Variants in MEF2C observed in about 807,000 individuals in gnomAD.
The protein encoded by MEF2C is myocyte-specific enhancer factor 2C.
In MEF2C, 6 loss-of-function variants were observed where a neutral mutation model predicts 50.5. The ratio of observed to expected loss-of-function variants is 0.12; its 90% CI spans 0.07 to 0.23. The LOEUF (loss-of-function observed/expected upper bound fraction) is 0.23, where lower values mean the gene tolerates loss of function less well. Among genes scored for constraint, MEF2C ranks in the 10% least tolerant of loss-of-function variants. The pLI is 1.00. For missense variants in MEF2C, 276 were observed against 605.0 expected (o/e 0.46, Z 5.70); for synonymous variants, 183 against 228.0 (o/e 0.80, Z 1.78).
At chr5:88,775,690 T>G in intron 3 of MEF2C, 2 of 435,974 alleles carry the variant, frequency 4.6e-6, no homozygotes, top group Non-Finnish European at 6.1e-6. Context: ...GACCAATTAT[T>G]ACTTCACAAA....
chr5:88,881,483 TAA>T (rs1243551059), intron 1 of MEF2C, among the ~76,000 whole-genome samples: 1 of 152,242 alleles, frequency 6.6e-6, no homozygotes, highest in African/African-American at 2.4e-5. Context: ...TGAATGTTTT[TAA>T]AGACTAGCCA....
intron 1 of MEF2C, chr5:88,843,285 T>C (rs1040816357): frequency 6.2e-5 from 59 of 950,248 alleles, no homozygotes; most frequent in Non-Finnish European, 7.1e-5. Flanking sequence ...CCATTATCCA[T>C]GTGAGATGGA....
In MEF2C at chr5:88,720,300, C is replaced by A. The variant is rs1427702801; in HGVS notation, c.*2304G>T. 1 of 151,028 alleles carries A rather than the reference C, an allele frequency of 6.6e-6. No homozygotes were observed. The highest frequency in any genetic ancestry group is 1.5e-5 in the Non-Finnish European group (1 of 67,750). 9.4% of individuals were successfully genotyped at this position (151,028 alleles called of 1,614,324 possible). On this transcript the variant is annotated 3_prime_UTR_variant, in exon 11 of 11. Coordinates refer to ENST00000504921, the MANE Select transcript of MEF2C (RefSeq NM_002397.5). ...GTTATTCTTTCATGTTCCATGGATA[C>A]CTTGAGTAGTGGGATATATATGAAA... is the stretch of plus-strand genomic sequence containing the variant.
At chr5:88,765,711 G>A (rs555198812) in intron 3 of MEF2C, among the ~76,000 whole-genome samples, 1 of 152,228 alleles carries the variant, frequency 6.6e-6, no homozygotes, top group East Asian at 1.9e-4. Context: ...CTTTTACAGG[G>A]GCTGGAAGTC....
intron 1 of MEF2C, among the ~76,000 whole-genome samples, chr5:88,898,783 G>C (rs190441903): frequency 2.6e-5 from 4 of 152,056 alleles, no homozygotes; most frequent in African/African-American, 9.7e-5. Context: ...TATTGCAAAA[G>C]TATTGCTTTA....
chr5:88,810,802 C>A (rs1802455304), intron 2 of MEF2C, among the ~76,000 whole-genome samples: 1 of 152,040 alleles, frequency 6.6e-6, no homozygotes, highest in Non-Finnish European at 1.5e-5. Flanking sequence ...TATAGGAAGG[C>A]AGGCTTATCA....
chr5:88,844,985 ATTC>A (rs1250200591), intron 1 of MEF2C, among the ~76,000 whole-genome samples: 14 of 152,208 alleles, frequency 9.2e-5, no homozygotes, highest in African/African-American at 1.7e-4. Context: ...TTATCAAATG[ATTC>A]TTAAGAGTTC....
At chr5:88,895,373 G>T (rs11949307) in intron 1 of MEF2C, among the ~76,000 whole-genome samples, 27,577 of 151,780 alleles carry the variant, frequency 0.18, 2,762 homozygotes, top group Non-Finnish European at 0.23. Context: ...ACTTTTTTGG[G>T]GTATTCTTAT....
At chr5:88,734,285 G>C (rs1561714232) in intron 6 of MEF2C, 2 of 985,210 alleles carry the variant, frequency 2.0e-6, no homozygotes, top group Non-Finnish European at 2.4e-6. Context: ...TATTAAGCCT[G>C]TGTGAGATCT....
intron 3 of MEF2C, among the ~76,000 whole-genome samples, chr5:88,778,804 A>G (rs1786219094): frequency 6.6e-6 from 1 of 152,218 alleles, no homozygotes; most frequent in African/African-American, 2.4e-5. Flanking sequence ...CAAAGTACCA[A>G]GGAAAAGGAG....
intron 2 of MEF2C, among the ~76,000 whole-genome samples, chr5:88,820,226 GAAAT>G (rs975009490): frequency 3.3e-5 from 5 of 151,852 alleles, no homozygotes; most frequent in Admixed American, 2.0e-4. Flanking sequence ...AACTAAGAAA[GAAAT>G]AGTTTTTGTA....
intron 1 of MEF2C, among the ~76,000 whole-genome samples, chr5:88,854,374 C>T (rs530653155): frequency 6.6e-6 from 1 of 152,216 alleles, no homozygotes; most frequent in Non-Finnish European, 1.5e-5. Flanking sequence ...TAAAACTTAA[C>T]CTCTGCACAC....
intron 6 of MEF2C, chr5:88,741,956 C>T (rs1767033501): frequency 1.0e-6 from 1 of 984,650 alleles, no homozygotes; most frequent in African/African-American, 1.7e-5. Flanking sequence ...TTTAACATAG[C>T]TAATGATCTT....
intron 3 of MEF2C, chr5:88,782,327 G>A: frequency 4.7e-6 from 1 of 213,028 alleles, no homozygotes; most frequent in Non-Finnish European, 8.1e-6. Flanking sequence ...TTCGTTGGGT[G>A]TGGTGGTATG....
At chr5:88,807,032 AT>A (rs886333184) in intron 2 of MEF2C, among the ~76,000 whole-genome samples, 1 of 152,178 alleles carries the variant, frequency 6.6e-6, no homozygotes, top group Non-Finnish European at 1.5e-5. Flanking sequence ...TTCCCATGAA[AT>A]TTTTTTAACA....
intron 6 of MEF2C, chr5:88,742,029 A>G (rs1409421518): frequency 2.9e-5 from 29 of 985,242 alleles, no homozygotes; most frequent in Non-Finnish European, 3.0e-5. Flanking sequence ...GAAACATACT[A>G]TGTAAGTGTA....
chr5:88,786,492 C>T (rs1790971746), intron 3 of MEF2C, among the ~76,000 whole-genome samples: 1 of 151,232 alleles, frequency 6.6e-6, no homozygotes, highest in Admixed American at 6.6e-5. Context: ...TAAAGTTAAA[C>T]TAACGATGTG....
chr5:88,873,109 G>A (rs1830033682), intron 1 of MEF2C, among the ~76,000 whole-genome samples: 1 of 151,796 alleles, frequency 6.6e-6, no homozygotes, highest in Admixed American at 6.6e-5. Context: ...TTACTTCATA[G>A]AGCAACCTAA....
chr5:88,896,436 T>G (rs1238449694), intron 1 of MEF2C, among the ~76,000 whole-genome samples: 1 of 152,196 alleles, frequency 6.6e-6, no homozygotes, highest in Non-Finnish European at 1.5e-5. Context: ...GAAGAGAATA[T>G]GTACCACTTG....
Sources: gnomAD v4.1 joint callset for allele counts (sites outside exome capture counted in the v4.1 genomes callset) on GRCh38, gnomAD v4.1.1 for gene constraint, MANE v1.5 for transcripts, NCBI Gene and HGNC (gene_info 2026-07-23, HGNC 2026-07-21) for gene names.